The following LHFPL6 variants were observed in gnomAD, a reference collection of about 807,000 sequenced individuals.
The protein encoded by LHFPL6 is LHFPL tetraspan subfamily member 6 protein.
LHFPL6 carries 9 observed loss-of-function variants against 20.6 expected under a neutral mutation model. The observed-to-expected ratio is 0.44, with a 90% CI of 0.26 to 0.76. The LOEUF is 0.76. LHFPL6 is among the 30% of genes least tolerant of loss of function. The pLI is 0.20. For synonymous variants in LHFPL6, 105 were observed against 98.7 expected, an observed-to-expected ratio of 1.06 and a Z score of -0.38; for missense variants, 218 against 253.5, an observed-to-expected ratio of 0.86 and a Z score of 0.95.
At chr13:39,573,700 G>C (rs1872008975) in intron 2 of LHFPL6, among the ~76,000 whole-genome samples, 1 of 151,354 alleles carries the variant, frequency 6.6e-6, no homozygotes, top group South Asian at 2.1e-4. Flanking sequence ...AAATAATCTT[G>C]CATCTAGGAA....
At chr13:39,369,307 G>C (rs1318513778) in intron 3 of LHFPL6, among the ~76,000 whole-genome samples, 1 of 151,780 alleles carries the variant, frequency 6.6e-6, no homozygotes, top group African/African-American at 2.4e-5. Flanking sequence ...TAAAAGAGTA[G>C]GAATGATCCA....
At chr13:39,600,720 C>T (rs1473038841) in intron 2 of LHFPL6, 112 bp downstream of exon 2, 2 of 1,132,544 alleles carry the variant, frequency 1.8e-6, no homozygotes, top group Non-Finnish European at 2.4e-6. Context: ...AAATCTATTT[C>T]TCTTATGCAT....
intron 2 of LHFPL6, among the ~76,000 whole-genome samples, chr13:39,410,938 A>G (rs1431978526): frequency 6.6e-6 from 1 of 152,238 alleles, no homozygotes; most frequent in Admixed American, 6.5e-5. Flanking sequence ...CCATATTTCA[A>G]GCAATTATTA....
intron 2 of LHFPL6, among the ~76,000 whole-genome samples, chr13:39,445,674 T>C (rs953482705): frequency 1.3e-5 from 2 of 152,236 alleles, no homozygotes; most frequent in African/African-American, 4.8e-5. Context: ...TATTCAGTTG[T>C]CCATTAACTA....
intron 2 of LHFPL6, among the ~76,000 whole-genome samples, chr13:39,542,223 A>G (rs188771252): frequency 6.6e-6 from 1 of 152,136 alleles, no homozygotes; most frequent in Admixed American, 6.5e-5. Context: ...TGCTGACAAT[A>G]TTCTGTATCT....
intron 2 of LHFPL6, among the ~76,000 whole-genome samples, chr13:39,517,105 G>A (rs957231534): frequency 1.4e-4 from 22 of 152,196 alleles, no homozygotes; most frequent in Non-Finnish European, 3.1e-4. Flanking sequence ...GTACTAAAGG[G>A]AAAGGGTTGC....
intron 2 of LHFPL6, among the ~76,000 whole-genome samples, chr13:39,438,628 G>C (rs115005028): frequency 0.012 from 1,828 of 152,326 alleles, 38 homozygotes; most frequent in African/African-American, 0.042. Flanking sequence ...AGGGAAGAAT[G>C]GTTTGTTGGG....
chr13:39,458,642 C>A (rs984185303), intron 2 of LHFPL6, among the ~76,000 whole-genome samples: 1 of 151,462 alleles, frequency 6.6e-6, no homozygotes, highest in African/African-American at 2.4e-5. Context: ...CTGCAGTGAG[C>A]CGTGATTGTG....
chr13:39,354,578 T>C (rs932049611), intron 3 of LHFPL6, among the ~76,000 whole-genome samples: 3 of 151,912 alleles, frequency 2.0e-5, no homozygotes, highest in Non-Finnish European at 4.4e-5. Flanking sequence ...ATTCAGAATA[T>C]GGATGGGAAA....
At chr13:39,544,217 TTGTC>T (rs1170291943) in intron 2 of LHFPL6, among the ~76,000 whole-genome samples, 3 of 152,038 alleles carry the variant, frequency 2.0e-5, no homozygotes, top group African/African-American at 4.8e-5. Context: ...TGAAAGAAAA[TTGTC>T]TGGGCTCGTT....
At chr13:39,529,014 C>G (rs4520717) in intron 2 of LHFPL6, among the ~76,000 whole-genome samples, 127,347 of 152,224 alleles carry the variant, frequency 0.84, 53,418 homozygotes, top group Middle Eastern at 0.88. Flanking sequence ...CAAGTTTACT[C>G]TTTCCCAGGA....
chr13:39,396,466 G>A (rs1314663144), intron 2 of LHFPL6, among the ~76,000 whole-genome samples: 1 of 152,096 alleles, frequency 6.6e-6, no homozygotes, highest in Non-Finnish European at 1.5e-5. Context: ...CTGGAGTAGG[G>A]TAGGTCACTA....
chr13:39,537,572 G>T (rs6563725), intron 2 of LHFPL6, among the ~76,000 whole-genome samples: 57,848 of 151,842 alleles, frequency 0.38, 11,255 homozygotes, highest in Admixed American at 0.47. Context: ...TTACAGCGTG[G>T]GGTTTTCTAT....
chr13:39,542,251 A>G (rs193069922), intron 2 of LHFPL6, among the ~76,000 whole-genome samples: 143 of 152,174 alleles, frequency 9.4e-4, no homozygotes, highest in African/African-American at 2.9e-3. Context: ...AATAATAGTT[A>G]TGTGTGTGTT....
At position 39,343,307 on chromosome 13, in the gene LHFPL6, T is replaced by C. The variant is rs538860888; in HGVS notation, c.*629A>G. On this transcript the variant is annotated 3_prime_UTR_variant, in exon 4 of 4. Transcript: ENST00000379589. The stretch of plus-strand genomic sequence containing the variant: ...CCATTTATTAGGCTTAATGTATGTT[T>C]TATAAAGTGATAATACTGTATTTTA... 39 of 222,032 alleles carry C rather than the reference T, an allele frequency of 1.8e-4. No individual in the cohort carries two copies. Among genetic ancestry groups the C allele is most frequent in the African/African-American group, 8.0e-4 (36 of 44,886 alleles). The allele number at this position is 222,032 out of a possible 1,614,324, so 13.8% of individuals were successfully genotyped here.
At chr13:39,479,025 G>A (rs1377992202) in intron 2 of LHFPL6, among the ~76,000 whole-genome samples, 1 of 138,402 alleles carries the variant, frequency 7.2e-6, no homozygotes, top group Admixed American at 7.3e-5. Flanking sequence ...AGCACCAATG[G>A]GAGATAGATA....
chr13:39,427,133 A>AT, intron 2 of LHFPL6, among the ~76,000 whole-genome samples: 1 of 150,754 alleles, frequency 6.6e-6, no homozygotes, highest in East Asian at 1.9e-4. Context: ...ATTTGAAGTG[A>AT]TTTTGTATCC....
chr13:39,579,897 C>A (rs1163626580), intron 2 of LHFPL6, among the ~76,000 whole-genome samples: 1 of 152,168 alleles, frequency 6.6e-6, no homozygotes, highest in Non-Finnish European at 1.5e-5. Flanking sequence ...TTTATAAACT[C>A]CTCAGGGTCA....
At position 39,600,813 on chromosome 13, in the gene LHFPL6, A is replaced by G; in HGVS notation, c.385+19T>C. 6.8e-7 allele frequency: 1 copy of G among 1,469,972 alleles called. No homozygotes were observed. The highest frequency in any genetic ancestry group is 9.0e-7 in the Non-Finnish European group (1 of 1,106,256). 91.1% of individuals were successfully genotyped at this position (1,469,972 alleles called of 1,614,324 possible). ...CTTTGGGATTCCAGTAAACAACTCA[A>G]GCTCAGCAAGTCACTTACCCCCAAG... On this transcript the variant is annotated intron_variant, in intron 2 of 3. Coordinates refer to ENST00000379589, the MANE Select transcript of LHFPL6 (RefSeq NM_005780.3).
Sources: gnomAD v4.1 joint callset for allele counts (sites outside exome capture counted in the v4.1 genomes callset) on GRCh38, gnomAD v4.1.1 for gene constraint, MANE v1.5 for transcripts, NCBI Gene and HGNC (gene_info 2026-07-23, HGNC 2026-07-21) for gene names.